FANCI: variants seen among roughly 807,000 people sequenced by gnomAD.
FANCI encodes the protein Fanconi anemia group I protein.
In FANCI, 156 loss-of-function variants were observed where a neutral mutation model predicts 176.1. That is an observed-to-expected ratio of 0.89 (90% confidence interval 0.78 to 1.01). The LOEUF is 1.01. Among genes scored for constraint, FANCI ranks in the 50% least tolerant of loss-of-function variants. FANCI has a pLI of 0.00. For missense variants in FANCI, 1,678 were observed against 1,534.1 expected, an observed-to-expected ratio of 1.09 and a Z score of -1.57; for synonymous variants, 613 against 541.7, an observed-to-expected ratio of 1.13 and a Z score of -1.83.
intron 25 of FANCI, 91 bp downstream of exon 25, chr15:89,300,057 T>C: frequency 7.0e-7 from 1 of 1,423,630 alleles, no homozygotes; most frequent in East Asian, 2.3e-5. Flanking sequence ...CAGAAGACAC[T>C]TGAGAACAGT....
At chr15:89,287,086 G>T (rs150129224) in intron 18 of FANCI, among the ~76,000 whole-genome samples, 2,324 of 148,076 alleles carry the variant, frequency 0.016, 64 homozygotes, top group African/African-American at 0.055. Context: ...TGATTCTCCT[G>T]CCTCAGCCTC....
At chr15:89,258,969 G>A (rs2052608705) in intron 3 of FANCI, 193 bp downstream of exon 3, 1 of 568,578 alleles carries the variant, frequency 1.8e-6, no homozygotes, top group Non-Finnish European at 3.2e-6. Context: ...GTTTGAAGTG[G>A]CTACCTGAGA....
intron 27 of FANCI, among the ~76,000 whole-genome samples, chr15:89,302,104 G>C (rs925098726): frequency 6.6e-6 from 1 of 152,170 alleles, no homozygotes; most frequent in Non-Finnish European, 1.5e-5. Context: ...GTACCTTCAG[G>C]AGCCCAGGAC....
chr15:89,256,946 A>G (rs542680027), intron 2 of FANCI, among the ~76,000 whole-genome samples: 1 of 152,062 alleles, frequency 6.6e-6, no homozygotes, highest in Non-Finnish European at 1.5e-5. Flanking sequence ...TCGCTCTGTC[A>G]CCCAGGCTAG....
At chr15:89,310,945 A>C (rs1216463115) in intron 34 of FANCI, among the ~76,000 whole-genome samples, 1 of 152,094 alleles carries the variant, frequency 6.6e-6, no homozygotes, top group Non-Finnish European at 1.5e-5. Context: ...CAACATGGTG[A>C]AATCCCGTCT....
At chr15:89,271,943 C>T (rs1438002611) in intron 10 of FANCI, among the ~76,000 whole-genome samples, 1 of 152,170 alleles carries the variant, frequency 6.6e-6, no homozygotes, top group East Asian at 1.9e-4. Context: ...TGTGGACATA[C>T]ATTTTATTTC....
At chr15:89,253,476 G>T (rs2052350677) in intron 2 of FANCI, among the ~76,000 whole-genome samples, 1 of 151,980 alleles carries the variant, frequency 6.6e-6, no homozygotes, top group Non-Finnish European at 1.5e-5. Context: ...TTGTGCCACT[G>T]CACTTCAACG....
chr15:89,260,497 A>G (rs1250515292), intron 3 of FANCI, among the ~76,000 whole-genome samples: 1 of 152,242 alleles, frequency 6.6e-6, no homozygotes, highest in Non-Finnish European at 1.5e-5. Flanking sequence ...TATTAAAATA[A>G]TAGGTAGATG....
chr15:89,283,110 T>C (rs1007108054), intron 16 of FANCI, 26 bp from the exon 17 acceptor site: 2 of 1,613,132 alleles, frequency 1.2e-6, no homozygotes, highest in African/African-American at 2.7e-5. Flanking sequence ...TAGTACTGTT[T>C]GTTAACTTCT....
intron 12 of FANCI, among the ~76,000 whole-genome samples, chr15:89,274,599 CT>C (rs1157910630): frequency 0.014 from 1,131 of 82,750 alleles, 4 homozygotes; most frequent in Non-Finnish European, 0.018. Context: ...TCTTTCTTTC[CT>C]TTTTTTTTTT....
intron 13 of FANCI, 114 bp downstream of exon 13, chr15:89,277,005 C>T (rs2053433724): frequency 3.9e-6 from 4 of 1,023,774 alleles, no homozygotes; most frequent in Non-Finnish European, 6.1e-6. Context: ...ATTAGTTTGA[C>T]AGAGGATATA....
intron 1 of FANCI, 106 bp from the exon 2 acceptor site, chr15:89,247,523 C>T: frequency 1.2e-6 from 1 of 804,122 alleles, no homozygotes; most frequent in South Asian, 1.4e-5. Flanking sequence ...TTGTTGAGCA[C>T]CCATTGCATA....
At chr15:89,296,683 G>A (rs865892147) in intron 24 of FANCI, among the ~76,000 whole-genome samples, 8 of 151,894 alleles carry the variant, frequency 5.3e-5, no homozygotes, top group African/African-American at 7.2e-5. Flanking sequence ...CATTGTCATC[G>A]TGGCCCGTTC....
intron 10 of FANCI, among the ~76,000 whole-genome samples, chr15:89,269,145 AATT>A (rs981101648): frequency 1.3e-5 from 2 of 152,226 alleles, no homozygotes; most frequent in African/African-American, 2.4e-5. Context: ...TAGATTGACC[AATT>A]ATTAGACACT....
At chr15:89,283,024 T>G (rs2053674805) in intron 16 of FANCI, 112 bp from the exon 17 acceptor site, 2 of 1,045,652 alleles carry the variant, frequency 1.9e-6, no homozygotes, top group Non-Finnish European at 3.0e-6. Context: ...TGCTCTACGC[T>G]TCATTGTTTA....
chr15:89,259,450 C>T (rs756503987), intron 3 of FANCI: 1 of 152,286 alleles, frequency 6.6e-6, no homozygotes, highest in Non-Finnish European at 1.5e-5. Flanking sequence ...TGGAAACTTG[C>T]TAAATATTTT....
At chr15:89,298,497 T>C (rs2054398747) in intron 24 of FANCI, among the ~76,000 whole-genome samples, 1 of 152,134 alleles carries the variant, frequency 6.6e-6, no homozygotes, top group South Asian at 2.1e-4. Context: ...TTGAGGAAAT[T>C]AAAGCAGTTA....
intron 34 of FANCI, 25 bp from the exon 35 acceptor site, chr15:89,312,879 A>G: frequency 6.3e-7 from 1 of 1,590,076 alleles, no homozygotes; most frequent in Non-Finnish European, 8.6e-7. Context: ...ATCAGGAATA[A>G]GAGAATGTGT....
In FANCI at chr15:89,295,366, GAAAA is replaced by G. The variant is rs373941070; in HGVS notation, c.2636+287_2636+290del. Reference sequence around the variant, plus strand: ...GGGTGACAGGGCAAGACTCTCAAAAGAAAAAAAAAAAAAAAAAAGCCAGACATGG... The same window carrying G: ...GGGTGACAGGGCAAGACTCTCAAAAGAAAAAAAAAAAAAAGCCAGACATGG... On this transcript the variant is annotated intron_variant, in intron 24 of 37. Transcript: ENST00000310775. Among the ~76,000 whole-genome samples the G allele has an allele frequency of 3.5e-3, 333 of 96,308 alleles. 8 individuals carry two copies. The highest frequency in any genetic ancestry group is 0.022 in the East Asian group (71 of 3,232). The allele number at this position is 96,308 out of a possible 152,430, so 63.2% of individuals were successfully genotyped here. A position where few individuals can be genotyped will look rare whatever the true frequency, so the allele number is the denominator to read the frequency against.
Sources: allele counts gnomAD v4.1 joint callset (sites outside exome capture counted in the v4.1 genomes callset), GRCh38; gene constraint gnomAD v4.1.1; transcripts MANE v1.5; gene names NCBI Gene and HGNC (gene_info 2026-07-23, HGNC 2026-07-21).